Variants in MRPS5 observed in about 807,000 individuals in gnomAD.
MRPS5 encodes mitochondrial ribosomal protein S5, also known as small ribosomal subunit protein uS5m.
Under a neutral mutation model 51.9 loss-of-function variants are expected in MRPS5, and 27 were observed. That is an observed-to-expected ratio of 0.52 (90% CI 0.38 to 0.72). MRPS5 has a LOEUF of 0.72. Ranked by LOEUF, MRPS5 falls within the 30% of genes least tolerant of loss-of-function variation. MRPS5 has a pLI of 0.00. For synonymous variants in MRPS5, 196 were observed against 193.2 expected (o/e 1.01, Z -0.12); for missense variants, 570 against 545.7 (o/e 1.04, Z -0.44).
At chr2:95,097,569 G>A (rs1283071454) in intron 10 of MRPS5, among the ~76,000 whole-genome samples, 1 of 152,136 alleles carries the variant, frequency 6.6e-6, no homozygotes, top group Non-Finnish European at 1.5e-5. Context: ...TCTGATCTTT[G>A]ACAAACCTGA....
chr2:95,090,372 C>T lies in MRPS5; in HGVS notation c.1068+14G>A, dbSNP rs772072531. ...AAACTAGAACCTCTGTTTCAGACCC[C>T]GGGAAAGGATTACCTGTCTGGAGAG... On this transcript the variant is annotated intron_variant, in intron 11 of 11. Coordinates refer to ENST00000272418, the MANE Select transcript of MRPS5 (RefSeq NM_031902.5). 1.9e-5 allele frequency: 30 copies of T among 1,612,344 alleles called. No individual in the cohort carries two copies. The Admixed American group carries it at 3.8e-4, about 21-fold the overall frequency.
intron 9 of MRPS5, 29 bp downstream of exon 9, chr2:95,100,808 T>TAAA: frequency 5.6e-6 from 7 of 1,247,130 alleles, no homozygotes; most frequent in South Asian, 1.4e-5. Context: ...TCCTGCAAAT[T>TAAA]AAAAAAAAAA....
intron 10 of MRPS5, among the ~76,000 whole-genome samples, chr2:95,098,604 G>C (rs191959548): frequency 6.6e-6 from 1 of 152,016 alleles, no homozygotes; most frequent in Admixed American, 6.5e-5. Flanking sequence ...ACCAAACACC[G>C]CATGTTCTCA....
chr2:95,090,975 T>C lies in MRPS5; in HGVS notation c.932-453A>G, dbSNP rs184341518. 8.7e-5 allele frequency: 14 copies of C among 161,444 alleles called. No homozygotes were observed. In the South Asian group the frequency reaches 8.8e-4, roughly 10 times the overall value. 10.0% of individuals were successfully genotyped at this position (161,444 alleles called of 1,614,324 possible). On this transcript the variant is annotated intron_variant, in intron 10 of 11. Transcript: ENST00000272418. Reference sequence around the variant, plus strand: ...CCTCTCCTGGATTTCCTCCTAGCTATTGGCCTGTCCTCTCCTCCTTGCTGG... The same window carrying C: ...CCTCTCCTGGATTTCCTCCTAGCTACTGGCCTGTCCTCTCCTCCTTGCTGG...
In MRPS5 at chr2:95,113,849, C is replaced by T. The variant is rs559980139; in HGVS notation, c.277+1217G>A. On this transcript the variant is annotated intron_variant, in intron 3 of 11. Coordinates refer to ENST00000272418, the MANE Select transcript of MRPS5 (RefSeq NM_031902.5). ...ATTAAAAAAAGCAGAAGGCCAGGCA[C>T]GGTGGCTCACGCCTGTAATCCCAGC... Among the ~76,000 whole-genome samples, 7 of 151,954 alleles carry T rather than the reference C, an allele frequency of 4.6e-5. No homozygotes were observed. In the South Asian group the frequency reaches 6.2e-4, roughly 14 times the overall value.
At chr2:95,090,633 A>G in intron 10 of MRPS5, 111 bp from the exon 11 acceptor site, 4 of 1,260,294 alleles carry the variant, frequency 3.2e-6, no homozygotes, top group Non-Finnish European at 4.5e-6. Context: ...ACTGGTTCAT[A>G]TTCTGGTATC....
In MRPS5 at chr2:95,087,417, C is replaced by T; in HGVS notation, c.1233G>A (p.Val411=). The change falls in exon 12 of 12, where the codon GTG becomes GTA. Residue 411 remains valine (V), a synonymous_variant. Coordinates refer to ENST00000272418, the MANE Select transcript of MRPS5 (RefSeq NM_031902.5). The part of the protein sequence containing the change: ...VPDVKLDWED[V]KTAQGMKRSV... The stretch of plus-strand genomic sequence containing the variant: ...AGCGCTTCATTCCCTGTGCAGTCTT[C>T]ACATCTTCCCAGTCCAGTTTGACGT... 1 of 1,614,200 alleles carries T rather than the reference C, an allele frequency of 6.2e-7. No individual in the cohort carries two copies. Among genetic ancestry groups the T allele is most frequent in the Non-Finnish European group, 8.5e-7 (1 of 1,180,040 alleles).
At chr2:95,095,969 A>C (rs1675613157) in intron 10 of MRPS5, among the ~76,000 whole-genome samples, 1 of 152,198 alleles carries the variant, frequency 6.6e-6, no homozygotes, top group South Asian at 2.1e-4. Context: ...AGCAAGACTA[A>C]GAAGAGAGAA....
intron 7 of MRPS5, chr2:95,103,835 A>G (rs1558681360): frequency 6.6e-6 from 1 of 151,908 alleles, no homozygotes; most frequent in African/African-American, 2.4e-5. Context: ...TTATGGCTAT[A>G]ATGTGATCCC....
Position 95,085,405 on chromosome 2 carries a change from T to A in MRPS5, c.*1952A>T, listed in dbSNP as rs544748113. On this transcript the variant is annotated 3_prime_UTR_variant, in exon 12 of 12. Transcript: ENST00000272418. ...CTCTCCAAAGGATCATTGTCTTTTA[T>A]TGCTTAAAGTTCATTGTCTTTATAT... Among the ~76,000 whole-genome samples, 36 of 152,332 alleles carry A rather than the reference T, an allele frequency of 2.4e-4. No homozygotes were observed. Among genetic ancestry groups the A allele is most frequent in the African/African-American group, 8.4e-4 (35 of 41,558 alleles).
chr2:95,088,424 G>A (rs1235480107), intron 11 of MRPS5, among the ~76,000 whole-genome samples: 1 of 152,210 alleles, frequency 6.6e-6, no homozygotes, highest in African/African-American at 2.4e-5. Flanking sequence ...AGATCTGGAA[G>A]CAGGCAGATT....
intron 1 of MRPS5, 24 bp downstream of exon 1, chr2:95,121,710 T>G (rs1332300281): frequency 6.5e-7 from 1 of 1,530,350 alleles, no homozygotes; most frequent in South Asian, 1.2e-5. Context: ...TCAGAGCCCC[T>G]GCTCCCGGCG....
chr2:95,099,240 A>G (rs915504619), intron 10 of MRPS5, among the ~76,000 whole-genome samples: 2 of 152,028 alleles, frequency 1.3e-5, no homozygotes, highest in African/African-American at 4.8e-5. Context: ...TAAAATTAAA[A>G]AAAAAAAAAG....
At chr2:95,100,635 C>A in intron 9 of MRPS5, 99 bp from the exon 10 acceptor site, 2 of 981,068 alleles carry the variant, frequency 2.0e-6, no homozygotes, top group Non-Finnish European at 3.1e-6. Flanking sequence ...CAACAGCCAG[C>A]ACATATTGAC....
intron 3 of MRPS5, among the ~76,000 whole-genome samples, chr2:95,114,434 A>AT (rs1348807032): frequency 6.6e-6 from 1 of 151,576 alleles, no homozygotes; most frequent in Non-Finnish European, 1.5e-5. Context: ...TGCCTGGCTA[A>AT]TTTTGTTTTT....
intron 11 of MRPS5, among the ~76,000 whole-genome samples, chr2:95,087,931 G>T (rs1314606333): frequency 1.4e-5 from 2 of 144,046 alleles, no homozygotes; most frequent in Non-Finnish European, 3.0e-5. Flanking sequence ...ATATAGGGGA[G>T]ATAAGACACT....
chr2:95,096,617 G>C lies in MRPS5; in HGVS notation c.931+3857C>G, dbSNP rs541909397. Among the ~76,000 whole-genome samples the C allele has an allele frequency of 1.1e-4, 16 of 152,170 alleles. No homozygotes were observed. The South Asian group carries it at 3.3e-3, about 32-fold the overall frequency. Reference sequence around the variant, plus strand: ...TGATTATCTCAATAGATGCAGAAAAGGCCTTCAACAAAATTCAACAGCCCT... The same window carrying C: ...TGATTATCTCAATAGATGCAGAAAACGCCTTCAACAAAATTCAACAGCCCT... On this transcript the variant is annotated intron_variant, in intron 10 of 11. Coordinates refer to ENST00000272418, the MANE Select transcript of MRPS5 (RefSeq NM_031902.5).
rs1182926693 is a variant in MRPS5, at chr2:95,110,043, T to G, written c.278-2A>C. The G allele has an allele frequency of 6.2e-7, 1 of 1,606,558 alleles. No individual in the cohort carries two copies. Among genetic ancestry groups the G allele is most frequent in the Admixed American group, 1.7e-5 (1 of 57,752 alleles). Reference sequence around the variant, plus strand: ...CTTTCCACAGCTCATCTGCAGTCACTGTAACGAAACAGGGTTTCTTTTCTT... The same window carrying G: ...CTTTCCACAGCTCATCTGCAGTCACGGTAACGAAACAGGGTTTCTTTTCTT... On this transcript the variant is annotated splice_acceptor_variant, in intron 3 of 11. Transcript: ENST00000272418. LOFTEE classifies it high-confidence loss of function.
intron 6 of MRPS5, 120 bp downstream of exon 6, chr2:95,106,303 G>A: frequency 1.2e-6 from 1 of 821,090 alleles, no homozygotes; most frequent in Non-Finnish European, 2.1e-6. Context: ...CAGATCAGCT[G>A]TGTGTCAGAA....
Sources: gnomAD v4.1 joint callset for allele counts (sites outside exome capture counted in the v4.1 genomes callset) on GRCh38, gnomAD v4.1.1 for gene constraint, MANE v1.5 for transcripts, NCBI Gene and HGNC (gene_info 2026-07-23, HGNC 2026-07-21) for gene names.